Variants in RNF217 observed in about 807,000 individuals in gnomAD.
The protein encoded by RNF217 is E3 ubiquitin-protein ligase RNF217.
In RNF217, 31 loss-of-function variants were observed where a neutral mutation model predicts 57.8. The observed-to-expected ratio is 0.54, with a 90% CI of 0.40 to 0.72. The LOEUF is 0.72. Among genes scored for constraint, RNF217 ranks in the 30% least tolerant of loss-of-function variants. The probability of loss-of-function intolerance (pLI) is 0.00; values close to 1 mark genes in which losing one functional copy is unlikely to be tolerated. For missense variants in RNF217, 696 were observed against 708.3 expected, an observed-to-expected ratio of 0.98 and a Z score of 0.20; for synonymous variants, 313 against 294.0, an observed-to-expected ratio of 1.06 and a Z score of -0.66.
chr6:125,026,656 A>G (rs973396), intron 1 of RNF217, among the ~76,000 whole-genome samples: 1 of 151,952 alleles, frequency 6.6e-6, no homozygotes, highest in African/African-American at 2.4e-5. Context: ...AGAAAAAAAA[A>G]AGGGAATCAC....
intron 1 of RNF217, among the ~76,000 whole-genome samples, chr6:125,035,654 A>C (rs1034611753): frequency 2.0e-5 from 3 of 152,330 alleles, no homozygotes; most frequent in Admixed American, 6.5e-5. Context: ...ACAAAGATTT[A>C]AATTATAATC....
intron 1 of RNF217, among the ~76,000 whole-genome samples, chr6:125,028,560 G>T (rs2114454840): frequency 6.6e-6 from 1 of 152,084 alleles, no homozygotes; most frequent in African/African-American, 2.4e-5. Flanking sequence ...AGTTCCAAAA[G>T]AAATATGTTT....
intron 1 of RNF217, among the ~76,000 whole-genome samples, chr6:125,042,721 C>CT (rs1359562118): frequency 6.6e-6 from 1 of 152,082 alleles, no homozygotes; most frequent in Non-Finnish European, 1.5e-5. Context: ...AACCTGCCCT[C>CT]TTTAGCTGCC....
chr6:125,046,617 G>A, intron 2 of RNF217: 1 of 455,930 alleles, frequency 2.2e-6, no homozygotes, highest in South Asian at 1.5e-5. Context: ...CAAAATGGCA[G>A]GATGAAGTGG....
At chr6:124,988,158 A>G (rs770825051) in intron 1 of RNF217, among the ~76,000 whole-genome samples, 5 of 152,112 alleles carry the variant, frequency 3.3e-5, no homozygotes, top group Admixed American at 6.6e-5. Flanking sequence ...CACGCTCCTT[A>G]TGAGAATCTA....
At chr6:124,995,605 T>C (rs933035853) in intron 1 of RNF217, among the ~76,000 whole-genome samples, 2 of 152,168 alleles carry the variant, frequency 1.3e-5, no homozygotes, top group Admixed American at 1.3e-4. Context: ...TATAACCCGA[T>C]TTACTTACAC....
chr6:125,044,142 T>C (rs1350933566), intron 1 of RNF217, among the ~76,000 whole-genome samples: 1 of 152,012 alleles, frequency 6.6e-6, no homozygotes, highest in African/African-American at 2.4e-5. Context: ...TCAGTCTTCA[T>C]AGCATGCTTT....
intron 1 of RNF217, among the ~76,000 whole-genome samples, chr6:124,965,972 T>A (rs1266476153): frequency 6.6e-6 from 1 of 152,222 alleles, no homozygotes; most frequent in Non-Finnish European, 1.5e-5. Context: ...AACTAAAACC[T>A]ACTGAATTTT....
At position 125,086,692 on chromosome 6, in the gene RNF217, C is replaced by T. The variant is rs1788780518; in HGVS notation, c.*3755C>T. On this transcript the variant is annotated 3_prime_UTR_variant, in exon 6 of 6. Coordinates refer to ENST00000521654, the MANE Select transcript of RNF217 (RefSeq NM_001286398.3). ...TTTGGTACAAGCAACATCTTGTTGCCACCACCTTGATTTTCTCATAGGTGC... is the reference window on the plus strand; with the variant it reads ...TTTGGTACAAGCAACATCTTGTTGCTACCACCTTGATTTTCTCATAGGTGC... The T allele has an allele frequency of 6.6e-6, 1 of 151,986 alleles. No homozygotes were observed. 9.4% of individuals were successfully genotyped at this position (151,986 alleles called of 1,614,324 possible). A position where few individuals can be genotyped will look rare whatever the true frequency, so the allele number is the denominator to read the frequency against.
At chr6:125,036,899 A>ATATTATT (rs564017044) in intron 1 of RNF217, among the ~76,000 whole-genome samples, 2 of 148,346 alleles carry the variant, frequency 1.3e-5, no homozygotes, top group African/African-American at 2.4e-5. Flanking sequence ...TATTTATTAT[A>ATATTATT]TATTATTTAT....
At chr6:124,986,459 T>A (rs1784366741) in intron 1 of RNF217, among the ~76,000 whole-genome samples, 1 of 152,238 alleles carries the variant, frequency 6.6e-6, no homozygotes, top group African/African-American at 2.4e-5. Context: ...TTCCATCTGA[T>A]CCCTTCCTCC....
At chr6:125,071,846 G>T (rs959211314) in intron 3 of RNF217, among the ~76,000 whole-genome samples, 1 of 152,018 alleles carries the variant, frequency 6.6e-6, no homozygotes, top group Non-Finnish European at 1.5e-5. Flanking sequence ...TAATGGATTA[G>T]GATTATCTAG....
chr6:125,046,888 A>G (rs941244579), intron 2 of RNF217, among the ~76,000 whole-genome samples: 2 of 152,048 alleles, frequency 1.3e-5, no homozygotes, highest in Admixed American at 1.3e-4. Flanking sequence ...TCTATCAGGT[A>G]TAACTGTTAG....
chr6:125,048,721 C>T (rs1053183560), intron 2 of RNF217, among the ~76,000 whole-genome samples: 5 of 151,772 alleles, frequency 3.3e-5, no homozygotes, highest in Non-Finnish European at 7.4e-5. Flanking sequence ...TTGTGAAGAC[C>T]ACTTGTTAAA....
intron 1 of RNF217, among the ~76,000 whole-genome samples, chr6:125,025,405 G>A (rs1470435126): frequency 6.6e-6 from 1 of 152,192 alleles, no homozygotes; most frequent in Non-Finnish European, 1.5e-5. Context: ...GGAGAAACTT[G>A]AGCATGCTTA....
chr6:125,088,189 T>C lies in RNF217; in HGVS notation c.*5252T>C, dbSNP rs769446992. The C allele has an allele frequency of 5.9e-5, 9 of 152,006 alleles. No individual in the cohort carries two copies. Among genetic ancestry groups the C allele is most frequent in the Non-Finnish European group, 1.0e-4 (7 of 67,982 alleles). The allele number at this position is 152,006 out of a possible 1,614,324, so 9.4% of individuals were successfully genotyped here. ...ACATTGTTAATTTTTATAGCCACAA[T>C]TATTAATTTGATAAAACAAATAATT... On this transcript the variant is annotated 3_prime_UTR_variant, in exon 6 of 6. Coordinates refer to ENST00000521654, the MANE Select transcript of RNF217 (RefSeq NM_001286398.3).
intron 2 of RNF217, among the ~76,000 whole-genome samples, chr6:125,056,714 A>C (rs140521257): frequency 6.6e-6 from 1 of 152,322 alleles, no homozygotes; most frequent in Non-Finnish European, 1.5e-5. Context: ...CGTGACATAG[A>C]GGAGCAAAGA....
rs1378330936 is a variant in RNF217, at chr6:124,963,417, G to C, written c.873G>C (p.Leu291=). 5 of 1,463,326 alleles carry C rather than the reference G, an allele frequency of 3.4e-6. No homozygotes were observed. Among genetic ancestry groups the C allele is most frequent in the Non-Finnish European group, 3.6e-6 (4 of 1,111,788 alleles). The allele number at this position is 1,463,326 out of a possible 1,614,324, so 90.6% of individuals were successfully genotyped here. The change falls in exon 1 of 6, where the codon CTG becomes CTC. Residue 291 remains leucine (L), a synonymous_variant. Transcript: ENST00000521654. ...AVCEECLKVY[L]SAQVQLGQVE... is the part of the protein sequence containing the mutation. ...GCGAGGAGTGCCTCAAAGTCTACCTGAGCGCCCAGGTAACTTCACCCCCTT... is the reference window on the plus strand; with the variant it reads ...GCGAGGAGTGCCTCAAAGTCTACCTCAGCGCCCAGGTAACTTCACCCCCTT...
intron 2 of RNF217, among the ~76,000 whole-genome samples, chr6:125,045,839 A>G (rs984336497): frequency 5.9e-5 from 9 of 152,032 alleles, no homozygotes; most frequent in South Asian, 2.1e-4. Flanking sequence ...TAAAAATAGT[A>G]TAAATGGTAC....
Sources: gnomAD v4.1 joint callset for allele counts (sites outside exome capture counted in the v4.1 genomes callset) on GRCh38, gnomAD v4.1.1 for gene constraint, MANE v1.5 for transcripts, NCBI Gene and HGNC (gene_info 2026-07-23, HGNC 2026-07-21) for gene names.